The following FGF14 variants were observed in gnomAD, a reference collection of about 807,000 sequenced individuals.
FGF14 encodes the protein fibroblast growth factor 14.
FGF14 carries 5 observed loss-of-function variants against 25.5 expected under a neutral mutation model. The ratio of observed to expected loss-of-function variants is 0.20; its 90% CI spans 0.10 to 0.41. The LOEUF (loss-of-function observed/expected upper bound fraction) is 0.41, where lower values mean the gene tolerates loss of function less well. Among genes scored for constraint, FGF14 ranks in the 10% least tolerant of loss-of-function variants. The pLI is 1.00. For synonymous variants in FGF14, 138 were observed against 118.3 expected (o/e 1.17, Z -1.08); for missense variants, 222 against 320.1 (o/e 0.69, Z 2.34).
At chr13:102,183,881 A>G (rs940270605) in intron 1 of FGF14, among the ~76,000 whole-genome samples, 1 of 152,192 alleles carries the variant, frequency 6.6e-6, no homozygotes, top group African/African-American at 2.4e-5. Flanking sequence ...GAACCATCGC[A>G]TATCCTTTGC....
intron 1 of FGF14, among the ~76,000 whole-genome samples, chr13:101,890,180 G>T (rs936412040): frequency 7.2e-5 from 11 of 152,004 alleles, no homozygotes; most frequent in Admixed American, 2.0e-4. Context: ...CTTATGCGAG[G>T]GCTTCAGTAC....
intron 1 of FGF14, among the ~76,000 whole-genome samples, chr13:102,272,487 A>G (rs76120871): frequency 0.011 from 1,615 of 152,306 alleles, 29 homozygotes; most frequent in African/African-American, 0.036. Context: ...GGCACAAAGC[A>G]GGTGCAAAGT....
chr13:102,398,704 A>C (rs1365484269), intron 1 of FGF14, among the ~76,000 whole-genome samples: 1 of 151,982 alleles, frequency 6.6e-6, no homozygotes, highest in Non-Finnish European at 1.5e-5. Flanking sequence ...TTGGGATCAA[A>C]AACCTGCAAA....
chr13:102,116,945 C>T (rs924106782), intron 1 of FGF14, among the ~76,000 whole-genome samples: 7 of 152,210 alleles, frequency 4.6e-5, no homozygotes, highest in Non-Finnish European at 1.0e-4. Flanking sequence ...CACTTGGGGT[C>T]ATGGCCTTCG....
intron 1 of FGF14, among the ~76,000 whole-genome samples, chr13:102,013,066 G>C (rs1481458197): frequency 6.6e-6 from 1 of 152,028 alleles, no homozygotes; most frequent in Non-Finnish European, 1.5e-5. Flanking sequence ...GAGGCAGAAA[G>C]ATTGCTTGAG....
At chr13:102,115,381 A>T (rs2045421794) in intron 1 of FGF14, among the ~76,000 whole-genome samples, 2 of 152,210 alleles carry the variant, frequency 1.3e-5, no homozygotes, top group African/African-American at 4.8e-5. Context: ...AAAATGAGCA[A>T]TTATTATTTT....
chr13:102,140,564 T>C (rs1211745803), intron 1 of FGF14, among the ~76,000 whole-genome samples: 2 of 152,172 alleles, frequency 1.3e-5, no homozygotes, highest in African/African-American at 4.8e-5. Flanking sequence ...ATGTGATTTA[T>C]CATTACCTAT....
intron 1 of FGF14, among the ~76,000 whole-genome samples, chr13:102,122,034 A>T (rs2045749643): frequency 6.6e-6 from 1 of 152,208 alleles, no homozygotes; most frequent in Non-Finnish European, 1.5e-5. Context: ...TGATTGAAAT[A>T]TTGTTTGTGA....
intron 1 of FGF14, among the ~76,000 whole-genome samples, chr13:101,907,539 C>G (rs1024529688): frequency 6.6e-6 from 1 of 152,088 alleles, no homozygotes; most frequent in Non-Finnish European, 1.5e-5. Flanking sequence ...ACTTGCAGGT[C>G]ATGGGTGACC....
chr13:101,954,353 G>C (rs896445125), intron 1 of FGF14, among the ~76,000 whole-genome samples: 3 of 152,078 alleles, frequency 2.0e-5, no homozygotes, highest in African/African-American at 7.2e-5. Context: ...GCAATAACTA[G>C]AGCCTGCTCA....
intron 1 of FGF14, among the ~76,000 whole-genome samples, chr13:102,355,032 A>G (rs1368525058): frequency 2.6e-5 from 4 of 152,118 alleles, no homozygotes; most frequent in African/African-American, 9.7e-5. Context: ...CTGTCATGGA[A>G]CTATTTGCCT....
intron 1 of FGF14, among the ~76,000 whole-genome samples, chr13:102,272,047 T>C (rs1425278464): frequency 2.0e-5 from 3 of 152,170 alleles, no homozygotes; most frequent in Non-Finnish European, 2.9e-5. Context: ...CTCCTTAGCC[T>C]GTCCAGCTGC....
intron 1 of FGF14, among the ~76,000 whole-genome samples, chr13:101,951,691 T>C (rs558785381): frequency 9.8e-5 from 15 of 152,302 alleles, no homozygotes; most frequent in South Asian, 6.2e-4. Flanking sequence ...TAGAATCTGA[T>C]GTCATTCTCA....
intron 1 of FGF14, among the ~76,000 whole-genome samples, chr13:102,378,976 C>T (rs936841488): frequency 1.7e-4 from 26 of 152,126 alleles, no homozygotes; most frequent in African/African-American, 5.3e-4. Context: ...AAAGAAGGTA[C>T]GATCATCTGT....
At chr13:101,893,393 T>A (rs1276368256) in intron 1 of FGF14, among the ~76,000 whole-genome samples, 1 of 152,170 alleles carries the variant, frequency 6.6e-6, no homozygotes, top group East Asian at 1.9e-4. Context: ...GTCCATGTGA[T>A]TGCTTTGCTG....
rs75643876 is a variant in FGF14, at chr13:102,028,662, T to G, written c.209-153366A>C. On this transcript the variant is annotated intron_variant, in intron 1 of 4. Coordinates refer to the FGF14 transcript ENST00000376131. Reference sequence around the variant, plus strand: ...TGTATTGAGGAAGCCACTGAGAAAATTAGGTATTATACTGACCCCAAGTTT... The same window carrying G: ...TGTATTGAGGAAGCCACTGAGAAAAGTAGGTATTATACTGACCCCAAGTTT... Among the ~76,000 whole-genome samples, 593 of 152,132 alleles carry G rather than the reference T, an allele frequency of 3.9e-3. 4 individuals are homozygous for G. The highest frequency in any genetic ancestry group is 0.014 in the African/African-American group (568 of 41,532).
rs558034888 is a variant in FGF14, at chr13:101,997,223, G to T, written c.209-121927C>A. On this transcript the variant is annotated intron_variant, in intron 1 of 4. Coordinates refer to the FGF14 transcript ENST00000376131. ...TCCATGACAGCAGGGCCTTTGTTTTGCTTACAAACAATGCTACACCATCTG... is the reference window on the plus strand; with the variant it reads ...TCCATGACAGCAGGGCCTTTGTTTTTCTTACAAACAATGCTACACCATCTG... Among the ~76,000 whole-genome samples, 181 of 151,126 alleles carry T rather than the reference G, an allele frequency of 1.2e-3. 2 individuals carry two copies. Among genetic ancestry groups the T allele is most frequent in the African/African-American group, 4.2e-3 (168 of 40,460 alleles).
intron 3 of FGF14, 83 bp from the exon 4 acceptor site, chr13:101,726,893 C>A: frequency 9.2e-7 from 1 of 1,089,428 alleles, no homozygotes; most frequent in Non-Finnish European, 1.3e-6. Flanking sequence ...GAAAGTTTCC[C>A]AGCATGGTGA....
At position 101,711,268 on chromosome 13, in the gene FGF14, T is replaced by C. The variant is rs2034453954; in HGVS notation, c.*11563A>G. The C allele has an allele frequency of 6.6e-6, 1 of 152,222 alleles. No homozygotes were observed. Among genetic ancestry groups the C allele is most frequent in the South Asian group, 2.1e-4 (1 of 4,830 alleles). 9.4% of individuals were successfully genotyped at this position (152,222 alleles called of 1,614,324 possible). A position where few individuals can be genotyped will look rare whatever the true frequency, so the allele number is the denominator to read the frequency against. On this transcript the variant is annotated 3_prime_UTR_variant, in exon 5 of 5. Transcript: ENST00000376143. ...TCCAATCTTCTTACAGATGCTGTTG[T>C]GTGACAATGGCTGTAAACACATGTC...
Sources: gnomAD v4.1 joint callset for allele counts (sites outside exome capture counted in the v4.1 genomes callset) on GRCh38, gnomAD v4.1.1 for gene constraint, MANE v1.5 for transcripts, NCBI Gene and HGNC (gene_info 2026-07-23, HGNC 2026-07-21) for gene names.